The following COL4A6 variants were observed in gnomAD, a reference collection of about 807,000 sequenced individuals.
COL4A6 encodes collagen type IV alpha 6 chain.
Under a neutral mutation model 126.7 loss-of-function variants are expected in COL4A6, and 59 were observed. That is an observed-to-expected ratio of 0.47 (90% confidence interval 0.38 to 0.58). The LOEUF (loss-of-function observed/expected upper bound fraction) is 0.58. Ranked by LOEUF, COL4A6 falls within the 20% of genes least tolerant of loss-of-function variation. The probability of loss-of-function intolerance (pLI) is 0.00; values close to 1 mark genes in which losing one functional copy is unlikely to be tolerated. For missense variants in COL4A6, 1,285 were observed against 1,337.3 expected (o/e 0.96, Z 0.61); for synonymous variants, 547 against 496.6 (o/e 1.10, Z -1.35).
chrX:108,395,400 C>A (rs1386665950), intron 2 of COL4A6, among the ~76,000 whole-genome samples: 10 of 111,675 alleles, frequency 9.0e-5, no homozygotes, highest in Non-Finnish European at 1.9e-5. Flanking sequence ...GCCAAAGGAA[C>A]TTTCTTTAGG....
chrX:108,170,054 C>A (rs2034255085), intron 35 of COL4A6, 38 bp from the exon 36 acceptor site: 2 of 1,100,284 alleles, frequency 1.8e-6, no homozygotes, highest in Admixed American at 2.5e-5. Context: ...TCCAGCAACT[C>A]TGAATCATGA....
chrX:108,311,380 A>G (rs1185387521), intron 2 of COL4A6, among the ~76,000 whole-genome samples: 1 of 110,878 alleles, frequency 9.0e-6, no homozygotes, highest in Non-Finnish European at 1.9e-5. Flanking sequence ...GGTATTTTAC[A>G]GTACCCCCCA....
intron 2 of COL4A6, among the ~76,000 whole-genome samples, chrX:108,357,021 C>T (rs766947046): frequency 8.9e-6 from 1 of 111,762 alleles, no homozygotes; most frequent in South Asian, 3.8e-4. Context: ...TGTTTCGAAC[C>T]CTAAATGCTT....
At chrX:108,334,317 G>C (rs1043058151) in intron 2 of COL4A6, among the ~76,000 whole-genome samples, 2 of 111,644 alleles carry the variant, frequency 1.8e-5, no homozygotes, top group Non-Finnish European at 3.8e-5. Flanking sequence ...CCTGTGGACT[G>C]CCTGCATTTG....
chrX:108,401,051 T>C (rs1386403905), intron 2 of COL4A6, among the ~76,000 whole-genome samples: 1 of 111,665 alleles, frequency 9.0e-6, no homozygotes, highest in African/African-American at 3.2e-5. Context: ...CCGATGTATA[T>C]TGTGGTGTCT....
intron 2 of COL4A6, among the ~76,000 whole-genome samples, chrX:108,433,023 T>C (rs918612651): frequency 1.8e-5 from 2 of 111,080 alleles, no homozygotes; most frequent in Admixed American, 1.9e-4. Flanking sequence ...TTGCCTGGAG[T>C]AGACTCAGTT....
intron 4 of COL4A6, among the ~76,000 whole-genome samples, chrX:108,220,661 T>C (rs908542788): frequency 2.7e-5 from 3 of 112,458 alleles, no homozygotes; most frequent in African/African-American, 9.7e-5. Flanking sequence ...GGACTTCCGG[T>C]CCATGTACAG....
At chrX:108,383,046 G>C (rs904240346) in intron 2 of COL4A6, among the ~76,000 whole-genome samples, 8 of 106,468 alleles carry the variant, frequency 7.5e-5, no homozygotes, top group Non-Finnish European at 1.5e-4. Flanking sequence ...AAAGAACAAA[G>C]GAACAAAGAG....
At chrX:108,434,954 G>A (rs1304792943) in intron 2 of COL4A6, among the ~76,000 whole-genome samples, 2 of 110,664 alleles carry the variant, frequency 1.8e-5, no homozygotes, top group East Asian at 5.6e-4. Flanking sequence ...AACTGGAAGA[G>A]ATCGTCTCCA....
At chrX:108,317,449 G>C (rs1164163368) in intron 2 of COL4A6, among the ~76,000 whole-genome samples, 1 of 112,069 alleles carries the variant, frequency 8.9e-6, no homozygotes, top group Non-Finnish European at 1.9e-5. Context: ...ACTACGTTGT[G>C]GTAACAAACT....
intron 3 of COL4A6, among the ~76,000 whole-genome samples, chrX:108,295,014 A>C (rs2038281999): frequency 8.9e-6 from 1 of 112,482 alleles, no homozygotes; most frequent in Admixed American, 9.4e-5. Flanking sequence ...CTATCTCATT[A>C]TTATGTGTTA....
chrX:108,343,159 ATATATAGTGTGT>A (rs1389294860), intron 2 of COL4A6, among the ~76,000 whole-genome samples: 6 of 68,944 alleles, frequency 8.7e-5, no homozygotes, highest in Admixed American at 2.0e-4. Flanking sequence ...ATATATATAT[ATATATAGTGTGT>A]GTGTGTGTGT....
At chrX:108,418,955 T>G (rs1161735459) in intron 2 of COL4A6, among the ~76,000 whole-genome samples, 1 of 112,543 alleles carries the variant, frequency 8.9e-6, no homozygotes, top group Non-Finnish European at 1.9e-5. Context: ...GTATTAAGAT[T>G]TGTTTGTATA....
At chrX:108,261,034 T>G (rs571826913) in intron 3 of COL4A6, among the ~76,000 whole-genome samples, 1 of 110,805 alleles carries the variant, frequency 9.0e-6, no homozygotes, top group South Asian at 3.8e-4. Context: ...ATTTTTCAAC[T>G]ACCTCTTTAA....
rs777373367 is a variant in COL4A6 at position 108,195,876 on chromosome X, ACT to A, written c.903+633_903+634del. On this transcript the variant is annotated intron_variant, in intron 14 of 44. Coordinates refer to ENST00000334504, the MANE Select transcript of COL4A6 (RefSeq NM_033641.4). ...ATAAGTATGGCTGAATACTCAAAAG[ACT>A]CTTACTAAACTTCATAGTCAACTTA... Among the ~76,000 whole-genome samples the A allele has an allele frequency of 1.0e-3, 114 of 111,243 alleles. 5 individuals carry two copies. In the East Asian group the frequency reaches 0.031, roughly 30 times the overall value.
rs1313031423 is a variant in COL4A6 at position 108,179,347 on chromosome X, G to A, written c.2223C>T (p.Gly741=). 4 of 1,211,194 alleles carry A rather than the reference G, an allele frequency of 3.3e-6. No homozygotes were observed. The highest frequency in any genetic ancestry group is 4.5e-6 in the Non-Finnish European group (4 of 895,292). ...DGLPGMIGSP[G]LPGSKGATGD... Reference sequence around the variant, plus strand: ...CAGTGGCTCCCTTGGAACCAGGTAAGCCTGGACTGCCAATCATCCCAGGCA... The same window carrying A: ...CAGTGGCTCCCTTGGAACCAGGTAAACCTGGACTGCCAATCATCCCAGGCA... The change falls in exon 26 of 45, where the codon GGC becomes GGT. Residue 741 remains glycine (G), a synonymous_variant. Transcript: ENST00000334504.
chrX:108,349,442 T>C (rs1460091958), intron 2 of COL4A6, among the ~76,000 whole-genome samples: 1 of 112,032 alleles, frequency 8.9e-6, no homozygotes, highest in Admixed American at 9.5e-5. Context: ...GGAGAAAAGA[T>C]AGCCCTTGGT....
chrX:108,366,916 C>A (rs745371992), intron 2 of COL4A6, among the ~76,000 whole-genome samples: 1 of 111,914 alleles, frequency 8.9e-6, no homozygotes, highest in African/African-American at 3.2e-5. Context: ...CAGTTGCAAA[C>A]AATGTGTTTG....
At chrX:108,425,301 T>G (rs1217077470) in intron 2 of COL4A6, among the ~76,000 whole-genome samples, 1 of 109,765 alleles carries the variant, frequency 9.1e-6, no homozygotes, top group East Asian at 2.9e-4. Context: ...AATATAGGTT[T>G]TCTTGCTATT....
Sources: gnomAD v4.1 joint callset for allele counts (sites outside exome capture counted in the v4.1 genomes callset) on GRCh38, gnomAD v4.1.1 for gene constraint, MANE v1.5 for transcripts, NCBI Gene and HGNC (gene_info 2026-07-23, HGNC 2026-07-21) for gene names.